Variants in XNDC1N observed in about 807,000 individuals in gnomAD.
XNDC1N encodes protein XNDC1N.
chr11:71,892,586 G>A, the XNDC1N span, among the ~76,000 whole-genome samples: 1 of 152,082 alleles, frequency 6.6e-6, no homozygotes, highest in African/African-American at 2.4e-5. Context: ...CAAAAATCCT[G>A]TCACATGGTG....
the XNDC1N span, among the ~76,000 whole-genome samples, chr11:71,892,226 G>A: frequency 2.0e-3 from 311 of 152,198 alleles, 1 homozygote; most frequent in African/African-American, 7.3e-3. Context: ...GTGGTATTAG[G>A]AGTAATATCT....
At chr11:71,917,464 T>C in the XNDC1N span, 1 of 658,196 alleles carries the variant, frequency 1.5e-6, no homozygotes, top group East Asian at 2.7e-5. Flanking sequence ...AAGCACACCA[T>C]TCCTTAACCA....
At chr11:71,921,704 T>C in the XNDC1N span, among the ~76,000 whole-genome samples, 1 of 152,118 alleles carries the variant, frequency 6.6e-6, no homozygotes, top group African/African-American at 2.4e-5. Context: ...CGCGTGCATG[T>C]TTTTTTGATA....
At chr11:71,909,334 A>G in the XNDC1N span, among the ~76,000 whole-genome samples, 161 of 150,942 alleles carry the variant, frequency 1.1e-3, 1 homozygote, top group African/African-American at 3.9e-3. Context: ...GGCCCCCACA[A>G]AGAGGCAAGG....
At chr11:71,879,853 A>C in the XNDC1N span, among the ~76,000 whole-genome samples, 1 of 152,132 alleles carries the variant, frequency 6.6e-6, no homozygotes, top group African/African-American at 2.4e-5. Flanking sequence ...CTGATCCTTC[A>C]TGTCTGCCTT....
the XNDC1N span, among the ~76,000 whole-genome samples, chr11:71,881,607 G>A: frequency 6.6e-6 from 1 of 151,780 alleles, no homozygotes; most frequent in South Asian, 2.1e-4. Flanking sequence ...GCCATACCCT[G>A]GGAGTCTCAT....
chr11:71,884,306 A>G, the XNDC1N span: 2 of 1,306,508 alleles, frequency 1.5e-6, no homozygotes, highest in South Asian at 2.3e-5. Flanking sequence ...TTTTTCTGGG[A>G]AAGTTCTGTA....
the XNDC1N span, among the ~76,000 whole-genome samples, chr11:71,903,026 G>C: frequency 6.6e-6 from 1 of 152,228 alleles, no homozygotes. Flanking sequence ...AATTGAGTTT[G>C]TCAGAACTAC....
chr11:71,896,302 C>T, the XNDC1N span, among the ~76,000 whole-genome samples: 3 of 152,148 alleles, frequency 2.0e-5, no homozygotes, highest in Admixed American at 2.0e-4. Flanking sequence ...AAAGGAATCT[C>T]AAGAAGGTGG....
chr11:71,911,429 G>A, the XNDC1N span, among the ~76,000 whole-genome samples: 2 of 152,194 alleles, frequency 1.3e-5, no homozygotes, highest in Non-Finnish European at 2.9e-5. Flanking sequence ...TGGCCATCAG[G>A]AGACTGGGAA....
At chr11:71,906,276 C>T in the XNDC1N span, among the ~76,000 whole-genome samples, 57 of 151,620 alleles carry the variant, frequency 3.8e-4, 1 homozygote, top group South Asian at 0.011. Context: ...GGAGTATAGA[C>T]CCCTGGGAAA....
chr11:71,928,428 C>A, the XNDC1N span: 5 of 701,724 alleles, frequency 7.1e-6, no homozygotes, highest in Non-Finnish European at 1.3e-5. Flanking sequence ...ACCTATTCTC[C>A]CGCCAATTCG....
At chr11:71,895,618 C>G in the XNDC1N span, among the ~76,000 whole-genome samples, 1 of 152,186 alleles carries the variant, frequency 6.6e-6, no homozygotes, top group Non-Finnish European at 1.5e-5. Flanking sequence ...TGCGCGACCG[C>G]GCCCAGCCAC....
chr11:71,914,225 C>T, the XNDC1N span: 12 of 451,998 alleles, frequency 2.7e-5, no homozygotes, highest in East Asian at 1.4e-4. Flanking sequence ...AAATTAAAAC[C>T]TTCTGGAAAT....
At chr11:71,884,511 A>G in the XNDC1N span, 57 of 1,609,634 alleles carry the variant, frequency 3.5e-5, no homozygotes, top group Non-Finnish European at 3.3e-5. Flanking sequence ...TGACTTCAGC[A>G]TCTGCTGCAA....
chr11:71,893,776 T>G, the XNDC1N span: 6 of 1,109,516 alleles, frequency 5.4e-6, no homozygotes, highest in Non-Finnish European at 7.5e-6. Flanking sequence ...ACAGATTTCC[T>G]TCTTGCTCCT....
At chr11:71,920,389 C>T in the XNDC1N span, among the ~76,000 whole-genome samples, 1 of 149,330 alleles carries the variant, frequency 6.7e-6, no homozygotes. Flanking sequence ...CTCACTGCAA[C>T]CTCCGCCTCC....
At chr11:71,911,163 G>C in the XNDC1N span, among the ~76,000 whole-genome samples, 10 of 152,340 alleles carry the variant, frequency 6.6e-5, no homozygotes, top group Admixed American at 2.6e-4. Context: ...TAAGTTGACT[G>C]TTGGGCAAAA....
chr11:71,888,393 T>A, the XNDC1N span, among the ~76,000 whole-genome samples: 5 of 152,160 alleles, frequency 3.3e-5, no homozygotes, highest in African/African-American at 1.2e-4. Context: ...AGCCTTTGTA[T>A]GCGGTCACCA....
Sources: gnomAD v4.1 joint callset for allele counts (sites outside exome capture counted in the v4.1 genomes callset) on GRCh38, gnomAD v4.1.1 for gene constraint, MANE v1.5 for transcripts, NCBI Gene and HGNC (gene_info 2026-07-23, HGNC 2026-07-21) for gene names.